The following ANO3 variants were observed in gnomAD, a reference collection of about 807,000 sequenced individuals.
ANO3 encodes the protein anoctamin-3.
ANO3 carries 99 observed loss-of-function variants against 144.8 expected under a neutral mutation model. The ratio of observed to expected loss-of-function variants is 0.68; its 90% CI spans 0.58 to 0.81. The LOEUF is 0.81. ANO3 is among the 30% of genes least tolerant of loss of function. The pLI, the probability that ANO3 is intolerant of heterozygous loss-of-function variation, is 0.00. For synonymous variants in ANO3, 414 were observed against 392.6 expected, an observed-to-expected ratio of 1.05 and a Z score of -0.64; for missense variants, 905 against 1,202.2, an observed-to-expected ratio of 0.75 and a Z score of 3.66.
intron 1 of ANO3, among the ~76,000 whole-genome samples, chr11:26,390,614 A>G (rs1856849740): frequency 6.6e-6 from 1 of 152,166 alleles, no homozygotes; most frequent in South Asian, 2.1e-4. Flanking sequence ...TAATAAGGAT[A>G]TGAACTTCAT....
intron 1 of ANO3, among the ~76,000 whole-genome samples, chr11:26,190,731 G>A (rs1404659755): frequency 6.6e-6 from 1 of 151,970 alleles, no homozygotes; most frequent in African/African-American, 2.4e-5. Flanking sequence ...TTCAACTATT[G>A]TCTTTATACA....
intron 1 of ANO3, among the ~76,000 whole-genome samples, chr11:26,297,186 T>C (rs113715149): frequency 2.0e-5 from 3 of 147,196 alleles, no homozygotes; most frequent in Non-Finnish European, 4.5e-5. Flanking sequence ...AACCATTGCG[T>C]GTGTGTGTGT....
chr11:26,598,356 A>G lies in ANO3; in HGVS notation c.1448-9A>G. 6.7e-7 allele frequency: 1 copy of G among 1,485,716 alleles called. No homozygotes were observed. Among genetic ancestry groups the G allele is most frequent in the Non-Finnish European group, 9.0e-7 (1 of 1,108,086 alleles). 92.0% of individuals were successfully genotyped at this position (1,485,716 alleles called of 1,614,324 possible). Reference sequence around the variant, plus strand: ...TTGGGTAAAGAATTATCATTTTTATATTTTATAGCCACAGTCTTCCTGGAG... The same window carrying G: ...TTGGGTAAAGAATTATCATTTTTATGTTTTATAGCCACAGTCTTCCTGGAG... On this transcript the variant is annotated splice_polypyrimidine_tract_variant and intron_variant, in intron 14 of 26. Transcript: ENST00000256737.
At chr11:26,205,943 C>G (rs1387094292) in intron 1 of ANO3, among the ~76,000 whole-genome samples, 1 of 152,142 alleles carries the variant, frequency 6.6e-6, no homozygotes, top group African/African-American at 2.4e-5. Flanking sequence ...CAAGAAACAT[C>G]GGCAGCCAAC....
At chr11:26,610,359 T>A (rs1352769794) in intron 17 of ANO3, among the ~76,000 whole-genome samples, 3 of 152,046 alleles carry the variant, frequency 2.0e-5, no homozygotes, top group Non-Finnish European at 2.9e-5. Flanking sequence ...TGTCTTTTTT[T>A]TTGAGAACTG....
chr11:26,454,164 G>T (rs1473863767), intron 3 of ANO3, among the ~76,000 whole-genome samples: 1 of 152,030 alleles, frequency 6.6e-6, no homozygotes, highest in Non-Finnish European at 1.5e-5. Flanking sequence ...ACAATTAAAA[G>T]AACTAGAAAA....
intron 3 of ANO3, among the ~76,000 whole-genome samples, chr11:26,454,805 A>G (rs1051676617): frequency 6.6e-6 from 1 of 152,172 alleles, no homozygotes; most frequent in African/African-American, 2.4e-5. Context: ...CTTGATGAAC[A>G]TTGATGCAAA....
In ANO3 at chr11:26,449,730, C is replaced by T. The variant is rs1023952027; in HGVS notation, c.313+5894C>T. On this transcript the variant is annotated intron_variant, in intron 3 of 26. Transcript: ENST00000256737. Reference sequence around the variant, plus strand: ...GAGTATTTAAAGGCTTAAAACAAAACTCTTCTTAAGTAGTAGAATTGCCTT... The same window carrying T: ...GAGTATTTAAAGGCTTAAAACAAAATTCTTCTTAAGTAGTAGAATTGCCTT... Among the ~76,000 whole-genome samples the T allele has an allele frequency of 4.1e-5, 6 of 147,754 alleles. No homozygotes were observed. In the Admixed American group the frequency reaches 4.2e-4, roughly 10 times the overall value.
At chr11:26,462,366 A>G (rs1859430995) in intron 3 of ANO3, among the ~76,000 whole-genome samples, 1 of 151,880 alleles carries the variant, frequency 6.6e-6, no homozygotes, top group South Asian at 2.1e-4. Flanking sequence ...TAGACACCAT[A>G]GAGATTTCCT....
intron 18 of ANO3, among the ~76,000 whole-genome samples, chr11:26,628,072 G>A (rs1852651553): frequency 6.6e-6 from 1 of 151,896 alleles, no homozygotes; most frequent in African/African-American, 2.4e-5. Flanking sequence ...TTTTTAACAT[G>A]GGAAAAATTA....
intron 1 of ANO3, among the ~76,000 whole-genome samples, chr11:26,440,926 T>C (rs553502798): frequency 6.6e-5 from 10 of 151,746 alleles, no homozygotes; most frequent in African/African-American, 2.4e-4. Context: ...TGAAGAGGAA[T>C]GGAGACAGGG....
intron 1 of ANO3, among the ~76,000 whole-genome samples, chr11:26,333,983 T>C (rs1855129453): frequency 6.6e-6 from 1 of 152,182 alleles, no homozygotes; most frequent in Admixed American, 6.5e-5. Flanking sequence ...GGTGACTCAT[T>C]TCTGGGATCT....
chr11:26,547,541 G>A lies in ANO3; in HGVS notation c.1280G>A (p.Ser427Asn). 1 of 1,611,510 alleles carries A rather than the reference G, an allele frequency of 6.2e-7. No homozygotes were observed. The highest frequency in any genetic ancestry group is 8.5e-7 in the Non-Finnish European group (1 of 1,178,240). ...TATGGATTATTTACAATGAATAATAGTCAAGTAAGGTAGGCTATTAAGAGA... is the reference window on the plus strand; with the variant it reads ...TATGGATTATTTACAATGAATAATAATCAAGTAAGGTAGGCTATTAAGAGA... ...FFYGLFTMNN[S>N]QVSQEICKAT... Residue 427 changes from serine (S) to asparagine (N), a missense_variant, in exon 12 of 27, where the codon AGT (serine) becomes AAT (asparagine). Ser to Asn is a conservative substitution (Grantham distance 46). This residue lies in a region of ANO3 where 597 missense variants were observed against 865.1 expected (regional missense o/e 0.69). Coordinates refer to ENST00000256737, the MANE Select transcript of ANO3 (RefSeq NM_031418.4).
At chr11:26,329,502 C>T (rs1274263611), upstream of ANO3, among the ~76,000 whole-genome samples, 1 of 152,152 alleles carries the variant, frequency 6.6e-6, no homozygotes, top group Non-Finnish European at 1.5e-5. Flanking sequence ...GTCAATCTGG[C>T]AGTCCAACCT....
chr11:26,565,643 G>A (rs1850545432), intron 14 of ANO3: 1 of 1,609,092 alleles, frequency 6.2e-7, no homozygotes, highest in Non-Finnish European at 8.5e-7. Flanking sequence ...TCAAAGGAGG[G>A]GAATGACTCG....
At chr11:26,591,794 T>G (rs945570419) in intron 14 of ANO3, among the ~76,000 whole-genome samples, 1 of 152,164 alleles carries the variant, frequency 6.6e-6, no homozygotes, top group African/African-American at 2.4e-5. Context: ...GTGCAGATCC[T>G]CTAGAGGTTC....
At chr11:26,197,208 T>C (rs1379942459) in intron 1 of ANO3, among the ~76,000 whole-genome samples, 1 of 152,158 alleles carries the variant, frequency 6.6e-6, no homozygotes, top group East Asian at 1.9e-4. Flanking sequence ...TCAGTATCAG[T>C]ACCTTATGTG....
intron 1 of ANO3, among the ~76,000 whole-genome samples, chr11:26,358,755 C>G (rs1460058210): frequency 6.6e-6 from 1 of 151,912 alleles, no homozygotes; most frequent in African/African-American, 2.4e-5. Flanking sequence ...TGAAGTTTTC[C>G]TTCAGTCCAC....
intron 21 of ANO3, among the ~76,000 whole-genome samples, chr11:26,640,745 C>T (rs750434740): frequency 3.0e-4 from 45 of 152,032 alleles, no homozygotes; most frequent in Non-Finnish European, 5.6e-4. Flanking sequence ...TTACCCTTCC[C>T]GATATCTAGG....
Sources: gnomAD v4.1 joint callset for allele counts (sites outside exome capture counted in the v4.1 genomes callset) on GRCh38, gnomAD v4.1.1 for gene constraint, gnomAD v4.1.1 regional missense constraint, MANE v1.5 for transcripts, NCBI Gene and HGNC (gene_info 2026-07-23, HGNC 2026-07-21) for gene names.